Variants in GFOD1 observed in about 807,000 individuals in gnomAD.
GFOD1 encodes glucose-fructose oxidoreductase domain-containing protein 1.
In GFOD1, 9 loss-of-function variants were observed where a neutral mutation model predicts 25.4. That is an observed-to-expected ratio of 0.35 (90% confidence interval 0.21 to 0.62). The LOEUF (loss-of-function observed/expected upper bound fraction) is 0.62. GFOD1 is among the 20% of genes least tolerant of loss of function. The probability of loss-of-function intolerance (pLI) is 0.72; values close to 1 mark genes in which losing one functional copy is unlikely to be tolerated. For missense variants in GFOD1, 403 were observed against 556.9 expected, an observed-to-expected ratio of 0.72 and a Z score of 2.78; for synonymous variants, 253 against 245.6, an observed-to-expected ratio of 1.03 and a Z score of -0.28.
intron 1 of GFOD1, among the ~76,000 whole-genome samples, chr6:13,389,533 T>C (rs1244536156): frequency 6.6e-6 from 1 of 151,580 alleles, no homozygotes; most frequent in East Asian, 1.9e-4. Context: ...AAACACCACA[T>C]GATCTCACTC....
chr6:13,391,658 G>C (rs779295102), intron 1 of GFOD1, among the ~76,000 whole-genome samples: 1 of 152,184 alleles, frequency 6.6e-6, no homozygotes, highest in Non-Finnish European at 1.5e-5. Context: ...AGAATATTGG[G>C]AAAGGATGCC....
At chr6:13,470,803 T>C (rs985016781) in intron 1 of GFOD1, among the ~76,000 whole-genome samples, 1 of 152,160 alleles carries the variant, frequency 6.6e-6, no homozygotes, top group African/African-American at 2.4e-5. Context: ...AGACATTCTG[T>C]GGGCAGCACA....
rs1784968971 is a variant in GFOD1, at chr6:13,362,892, G to C, written c.*1851C>G. The C allele has an allele frequency of 6.6e-6, 1 of 152,218 alleles. No homozygotes were observed. Among genetic ancestry groups the C allele is most frequent in the Non-Finnish European group, 1.5e-5 (1 of 68,044 alleles). 9.4% of individuals were successfully genotyped at this position (152,218 alleles called of 1,614,324 possible). A position where few individuals can be genotyped will look rare whatever the true frequency, so the allele number is the denominator to read the frequency against. ...TCTCAGATTTTGCCTACACAGGCTG[G>C]AGGTGGACTCCAGTCCTCTTAGATT... On this transcript the variant is annotated 3_prime_UTR_variant, in exon 2 of 2. Transcript: ENST00000379287.
chr6:13,450,449 G>A (rs1486463356), intron 1 of GFOD1, among the ~76,000 whole-genome samples: 2 of 152,182 alleles, frequency 1.3e-5, no homozygotes, highest in Non-Finnish European at 2.9e-5. Flanking sequence ...GCATACAGCT[G>A]TTCCTATGGC....
chr6:13,482,120 A>T (rs945726682), intron 1 of GFOD1, among the ~76,000 whole-genome samples: 2 of 148,990 alleles, frequency 1.3e-5, no homozygotes, highest in Non-Finnish European at 1.5e-5. Flanking sequence ...AATATATATA[A>T]AAATGTGCAT....
In GFOD1 at chr6:13,363,606, T is replaced by C. The variant is rs750756008; in HGVS notation, c.*1137A>G. ...TTTTGTAAGGAAAGAGGATTCTGAT[T>C]GGAACTGAAGGCTTCCTTTCTAAAT... is the stretch of plus-strand genomic sequence containing the variant. On this transcript the variant is annotated 3_prime_UTR_variant, in exon 2 of 2. Coordinates refer to ENST00000379287, the MANE Select transcript of GFOD1 (RefSeq NM_018988.4). The C allele has an allele frequency of 7.1e-6, 1 of 140,388 alleles. No homozygotes were observed. The highest frequency in any genetic ancestry group is 7.7e-5 in the Admixed American group (1 of 13,016). The allele number at this position is 140,388 out of a possible 1,614,324, so 8.7% of individuals were successfully genotyped here.
At position 13,430,297 on chromosome 6, in the gene GFOD1, C is replaced by A. The variant is rs2127570038; in HGVS notation, c.253+56341G>T. Among the ~76,000 whole-genome samples the A allele has an allele frequency of 6.6e-6, 1 of 152,114 alleles. No homozygotes were observed. The highest frequency in any genetic ancestry group is 1.5e-5 in the Non-Finnish European group (1 of 68,002). On this transcript the variant is annotated intron_variant, in intron 1 of 1. Coordinates refer to ENST00000379287, the MANE Select transcript of GFOD1 (RefSeq NM_018988.4). The surrounding 1 kb of genome is among the most constrained non-coding windows in gnomAD (Gnocchi z 4.1). ...ACTAAAAATACAAAAATTAGCCGGG[C>A]ATGGTGGCACACATCTATAATCCCA...
intron 1 of GFOD1, among the ~76,000 whole-genome samples, chr6:13,440,149 G>A (rs566650607): frequency 5.9e-5 from 9 of 152,134 alleles, no homozygotes; most frequent in African/African-American, 2.2e-4. Context: ...GTTCTTCCAC[G>A]GAGTGCCAGG....
chr6:13,436,467 G>A (rs1172073338), intron 1 of GFOD1, among the ~76,000 whole-genome samples: 1 of 152,094 alleles, frequency 6.6e-6, no homozygotes, highest in East Asian at 1.9e-4. Flanking sequence ...CACATATTAA[G>A]TTTTCACTTA....
intron 1 of GFOD1, among the ~76,000 whole-genome samples, chr6:13,484,825 AC>A (rs1309110314): frequency 6.6e-6 from 1 of 152,190 alleles, no homozygotes; most frequent in East Asian, 1.9e-4. Flanking sequence ...GTGGGTCTGA[AC>A]CCAGGACAGG....
chr6:13,487,025 G>A lies in GFOD1; in HGVS notation c.-135C>T, dbSNP rs983872541. On this transcript the variant is annotated 5_prime_UTR_variant, in exon 1 of 2. Coordinates refer to ENST00000379287, the MANE Select transcript of GFOD1 (RefSeq NM_018988.4). The surrounding 1 kb of genome is among the most constrained non-coding windows in gnomAD (Gnocchi z 4.9). ...CGGTGCGCCAGCCGCCGTGCACCGG[G>A]CAAGGCGCCCGGGTGCCCAGAGCGC... The A allele has an allele frequency of 5.3e-6, 6 of 1,132,270 alleles. No individual in the cohort carries two copies. The highest frequency in any genetic ancestry group is 7.3e-6 in the Non-Finnish European group (6 of 816,976). 70.1% of individuals were successfully genotyped at this position (1,132,270 alleles called of 1,614,324 possible).
intron 1 of GFOD1, among the ~76,000 whole-genome samples, chr6:13,440,199 G>GT (rs1383490123): frequency 6.7e-6 from 1 of 149,712 alleles, no homozygotes; most frequent in East Asian, 1.9e-4. Context: ...TTTTTTTTTT[G>GT]TTTTTTTGAG....
rs150318193 is a variant in GFOD1 at position 13,444,348 on chromosome 6, G to A, written c.253+42290C>T. On this transcript the variant is annotated intron_variant, in intron 1 of 1. Transcript: ENST00000379287. ...ACAAAGAAGATAACAACAGACACGCGGGTCTCCTTACGGGTGGAGGGTGGG... is the reference window on the plus strand; with the variant it reads ...ACAAAGAAGATAACAACAGACACGCAGGTCTCCTTACGGGTGGAGGGTGGG... 5.4e-3 allele frequency among the ~76,000 whole-genome samples: 814 copies of A among 151,832 alleles called. 7 individuals are homozygous for A. The highest frequency in any genetic ancestry group is 0.018 in the African/African-American group (762 of 41,362).
At chr6:13,414,632 C>T (rs1311166609) in intron 1 of GFOD1, among the ~76,000 whole-genome samples, 3 of 152,182 alleles carry the variant, frequency 2.0e-5, no homozygotes, top group Non-Finnish European at 4.4e-5. Context: ...GACCAATAAA[C>T]AGCATGCATA....
At chr6:13,448,764 C>G (rs1460259582) in intron 1 of GFOD1, among the ~76,000 whole-genome samples, 2 of 152,214 alleles carry the variant, frequency 1.3e-5, no homozygotes, top group African/African-American at 4.8e-5. Flanking sequence ...TTTTCCAAAA[C>G]AGCCTCTGAG....
chr6:13,470,341 G>A, intron 1 of GFOD1: 1 of 1,563,184 alleles, frequency 6.4e-7, no homozygotes, highest in Non-Finnish European at 8.7e-7. Context: ...CTAAATCTCA[G>A]TTCCACAGAC....
chr6:13,360,300 C>G lies in GFOD1; in HGVS notation c.*4443G>C, dbSNP rs1306945825. The G allele has an allele frequency of 1.8e-5, 4 of 221,420 alleles. No homozygotes were observed. The highest frequency in any genetic ancestry group is 7.1e-5 in the African/African-American group (3 of 42,444). 13.7% of individuals were successfully genotyped at this position (221,420 alleles called of 1,614,324 possible). On this transcript the variant is annotated 3_prime_UTR_variant, in exon 2 of 2. Transcript: ENST00000379287. ...AATCATTAACAAAGCTGATTCTGCC[C>G]CCAGTACCCACCAGAATGCAAGAGA...
intron 1 of GFOD1, among the ~76,000 whole-genome samples, chr6:13,473,740 C>A (rs9474283): frequency 0.031 from 4,781 of 152,180 alleles, 239 homozygotes; most frequent in African/African-American, 0.11. Context: ...ATCCTACCCC[C>A]TCTTCTGGGC....
chr6:13,429,838 C>A (rs1255009939), intron 1 of GFOD1, among the ~76,000 whole-genome samples: 1 of 152,114 alleles, frequency 6.6e-6, no homozygotes, highest in South Asian at 2.1e-4. Context: ...GTAATATATA[C>A]ATTATTATAC....
Sources: gnomAD v4.1 joint callset for allele counts (sites outside exome capture counted in the v4.1 genomes callset) on GRCh38, gnomAD v4.1.1 for gene constraint, Gnocchi (gnomAD v3.1) non-coding constraint, MANE v1.5 for transcripts, NCBI Gene and HGNC (gene_info 2026-07-23, HGNC 2026-07-21) for gene names.